STAM2: variants seen among roughly 807,000 people sequenced by gnomAD.
The protein encoded by STAM2 is signal transducing adaptor molecule 2.
Under a neutral mutation model 65.6 loss-of-function variants are expected in STAM2, and 51 were observed. The ratio of observed to expected loss-of-function variants is 0.78; its 90% confidence interval spans 0.62 to 0.98. The LOEUF (loss-of-function observed/expected upper bound fraction) is 0.98, where lower values mean the gene tolerates loss of function less well. Ranked by LOEUF, STAM2 falls within the 50% of genes least tolerant of loss-of-function variation. The pLI is 0.00. For synonymous variants in STAM2, 198 were observed against 208.4 expected, an observed-to-expected ratio of 0.95 and a Z score of 0.43; for missense variants, 584 against 617.8, an observed-to-expected ratio of 0.95 and a Z score of 0.58.
At chr2:152,144,829 G>T in intron 6 of STAM2, 59 bp downstream of exon 6, 1 of 1,476,288 alleles carries the variant, frequency 6.8e-7, no homozygotes, top group Non-Finnish European at 9.4e-7. Context: ...GAGCCACCGC[G>T]CCCAGCCCTG....
intron 4 of STAM2, 103 bp downstream of exon 4, chr2:152,147,921 A>C (rs913997178): frequency 1.1e-6 from 1 of 887,256 alleles, no homozygotes; most frequent in Non-Finnish European, 1.7e-6. Flanking sequence ...ATGATCTAAA[A>C]ATGACTTCAT....
intron 1 of STAM2, among the ~76,000 whole-genome samples, chr2:152,160,979 C>G (rs911401810): frequency 6.6e-6 from 1 of 152,146 alleles, no homozygotes. Flanking sequence ...GCCCGGCCAC[C>G]ACCCCGTCTG....
intron 1 of STAM2, among the ~76,000 whole-genome samples, chr2:152,161,889 C>G (rs1163028382): frequency 6.6e-6 from 1 of 151,810 alleles, no homozygotes; most frequent in Non-Finnish European, 1.5e-5. Flanking sequence ...ATGGCACGAT[C>G]TTGGCTCACT....
intron 1 of STAM2, among the ~76,000 whole-genome samples, chr2:152,152,941 GTTGTACAGTATGTATGTAGAAAATA>G (rs1689474363): frequency 6.6e-6 from 1 of 152,198 alleles, no homozygotes; most frequent in African/African-American, 2.4e-5. Flanking sequence ...GGTTTATTAA[GTTGTACAGTATGTATGTAGAAAATA>G]TTTTCAATAT....
At position 152,133,495 on chromosome 2, in the gene STAM2, A is replaced by G. The variant is rs1430976576; in HGVS notation, c.800-11T>C. 1 of 1,606,146 alleles carries G rather than the reference A, an allele frequency of 6.2e-7. No individual in the cohort carries two copies. The highest frequency in any genetic ancestry group is 8.5e-7 in the Non-Finnish European group (1 of 1,175,484). ...ATTTGTCCACAGCCGCTATAGAAAC[A>G]AAGTAATTTTAAGTTCCTCAGCATT... On this transcript the variant is annotated splice_polypyrimidine_tract_variant and intron_variant, in intron 8 of 13. Transcript: ENST00000263904.
intron 1 of STAM2, 137 bp from the exon 2 acceptor site, chr2:152,150,366 G>A: frequency 1.9e-6 from 1 of 518,644 alleles, no homozygotes; most frequent in Non-Finnish European, 3.4e-6. Flanking sequence ...GAAGACAAAA[G>A]TACTTCTACT....
intron 9 of STAM2, 23 bp downstream of exon 9, chr2:152,133,379 A>G (rs1689098568): frequency 1.9e-6 from 3 of 1,583,972 alleles, no homozygotes; most frequent in Non-Finnish European, 2.6e-6. Context: ...TAGTTTAACT[A>G]TTAAACAAAA....
chr2:152,147,968 GAC>G (rs2105548956), intron 4 of STAM2, 54 bp downstream of exon 4: 6 of 1,289,126 alleles, frequency 4.7e-6, no homozygotes, highest in Non-Finnish European at 6.6e-6. Context: ...TAGTTATAAT[GAC>G]ACACAATCTA....
intron 6 of STAM2, among the ~76,000 whole-genome samples, chr2:152,144,296 A>G (rs1484404792): frequency 6.6e-6 from 1 of 152,154 alleles, no homozygotes; most frequent in East Asian, 1.9e-4. Context: ...CATATAGGAT[A>G]AGCCATGAAC....
intron 1 of STAM2, among the ~76,000 whole-genome samples, chr2:152,168,479 A>T (rs900378358): frequency 6.6e-6 from 1 of 151,946 alleles, no homozygotes; most frequent in Non-Finnish European, 1.5e-5. Context: ...TACACGCAAC[A>T]CCTCTGAGGT....
intron 1 of STAM2, among the ~76,000 whole-genome samples, chr2:152,151,692 C>G (rs12468532): frequency 0.23 from 35,507 of 152,058 alleles, 4,236 homozygotes; most frequent in Admixed American, 0.31. Flanking sequence ...CCCAGCCCTA[C>G]GCAACCACTT....
intron 9 of STAM2, 38 bp downstream of exon 9, chr2:152,133,364 C>A (rs915301317): frequency 1.5e-5 from 23 of 1,554,228 alleles, no homozygotes; most frequent in Non-Finnish European, 1.9e-5. Context: ...ATTTAAATGT[C>A]TTGATAGTTT....
chr2:152,154,024 G>A (rs1689496834), intron 1 of STAM2, among the ~76,000 whole-genome samples: 1 of 152,068 alleles, frequency 6.6e-6, no homozygotes, highest in African/African-American at 2.4e-5. Context: ...CTATGAACAA[G>A]ACGAGAAACA....
chr2:152,125,041 AG>A (rs1560209413), intron 12 of STAM2, among the ~76,000 whole-genome samples: 2 of 152,244 alleles, frequency 1.3e-5, no homozygotes, highest in Non-Finnish European at 2.9e-5. Flanking sequence ...GGCAAAACGC[AG>A]TAAGTAGAAT....
At chr2:152,164,876 T>C (rs1689748401) in intron 1 of STAM2, among the ~76,000 whole-genome samples, 1 of 152,168 alleles carries the variant, frequency 6.6e-6, no homozygotes, top group Admixed American at 6.5e-5. Context: ...AAACCATCTA[T>C]TAAAAAGGCA....
chr2:152,135,637 C>T (rs747588682), intron 7 of STAM2, 34 bp from the exon 8 acceptor site: 49 of 1,388,956 alleles, frequency 3.5e-5, no homozygotes, highest in Admixed American at 7.5e-5. Context: ...TCATTTGTTC[C>T]CCACATTTTA....
At chr2:152,172,763 C>T (rs1579340627) in intron 1 of STAM2, among the ~76,000 whole-genome samples, 1 of 149,958 alleles carries the variant, frequency 6.7e-6, no homozygotes, top group Non-Finnish European at 1.5e-5. Flanking sequence ...CCTAGCTACT[C>T]GGGAGGCTGA....
intron 7 of STAM2, among the ~76,000 whole-genome samples, chr2:152,141,403 G>A (rs1196149705): frequency 7.9e-5 from 12 of 151,002 alleles, no homozygotes; most frequent in African/African-American, 2.4e-4. Flanking sequence ...GCATGGTGGC[G>A]CATGCCTGTA....
chr2:152,145,458 C>G (rs1266363675), intron 5 of STAM2, among the ~76,000 whole-genome samples: 1 of 152,206 alleles, frequency 6.6e-6, no homozygotes, highest in Non-Finnish European at 1.5e-5. Context: ...ATTATAAACT[C>G]ACACAGGGAT....
Sources: allele counts gnomAD v4.1 joint callset (sites outside exome capture counted in the v4.1 genomes callset), GRCh38; gene constraint gnomAD v4.1.1; transcripts MANE v1.5; gene names NCBI Gene and HGNC (gene_info 2026-07-23, HGNC 2026-07-21).